The following CNTNAP2 variants were observed in gnomAD, a reference collection of about 807,000 sequenced individuals.
CNTNAP2 encodes the protein contactin-associated protein-like 2.
CNTNAP2 carries 98 observed loss-of-function variants against 155.2 expected under a neutral mutation model. The ratio of observed to expected loss-of-function variants is 0.63; its 90% CI spans 0.54 to 0.75. The LOEUF (loss-of-function observed/expected upper bound fraction) is 0.75, where lower values mean the gene tolerates loss of function less well. Ranked by LOEUF, CNTNAP2 falls within the 30% of genes least tolerant of loss-of-function variation. The pLI is 0.00. For synonymous variants in CNTNAP2, 651 were observed against 631.2 expected (o/e 1.03, Z -0.47); for missense variants, 1,727 against 1,688.1 (o/e 1.02, Z -0.40).
intron 8 of CNTNAP2, among the ~76,000 whole-genome samples, chr7:147,261,639 A>G (rs62484990): frequency 0.17 from 25,257 of 152,096 alleles, 2,698 homozygotes; most frequent in Non-Finnish European, 0.24. Flanking sequence ...CTTTTAACAC[A>G]AATATTATTT....
chr7:146,444,226 C>T (rs1366999298), intron 1 of CNTNAP2, among the ~76,000 whole-genome samples: 2 of 152,058 alleles, frequency 1.3e-5, no homozygotes, highest in East Asian at 1.9e-4. Context: ...GGTTTCACCA[C>T]GTTGGCCAGG....
intron 1 of CNTNAP2, among the ~76,000 whole-genome samples, chr7:146,435,117 G>A (rs1796223607): frequency 6.6e-6 from 1 of 152,166 alleles, no homozygotes; most frequent in Non-Finnish European, 1.5e-5. Flanking sequence ...TTTCAGGATA[G>A]TCTCATGGTC....
intron 1 of CNTNAP2, among the ~76,000 whole-genome samples, chr7:146,719,942 A>G (rs1224076696): frequency 2.6e-5 from 4 of 152,096 alleles, no homozygotes; most frequent in Non-Finnish European, 5.9e-5. Context: ...CAGAGACCCA[A>G]ATGTTGAAGC....
At chr7:146,771,735 TAATA>T (rs749999097) in intron 1 of CNTNAP2, among the ~76,000 whole-genome samples, 27 of 152,322 alleles carry the variant, frequency 1.8e-4, no homozygotes, top group African/African-American at 5.3e-4. Context: ...AGTGGTGAGA[TAATA>T]AATAATAATT....
chr7:146,293,686 A>G (rs898668544), intron 1 of CNTNAP2, among the ~76,000 whole-genome samples: 2 of 151,928 alleles, frequency 1.3e-5, no homozygotes, highest in Non-Finnish European at 2.9e-5. Flanking sequence ...CTCTCCTTTC[A>G]TTTCACGTTG....
At chr7:146,797,965 T>G (rs1802800773) in intron 2 of CNTNAP2, among the ~76,000 whole-genome samples, 1 of 152,154 alleles carries the variant, frequency 6.6e-6, no homozygotes, top group Non-Finnish European at 1.5e-5. Context: ...CAGAAGCTAT[T>G]CATATGACAA....
intron 8 of CNTNAP2, among the ~76,000 whole-genome samples, chr7:147,175,691 T>C (rs992138120): frequency 3.9e-5 from 6 of 152,144 alleles, no homozygotes; most frequent in African/African-American, 1.2e-4. Flanking sequence ...GCAGCCACAA[T>C]ACCTCTTAAC....
At chr7:147,949,458 A>ATATATATATATT (rs1433579404) in intron 14 of CNTNAP2, among the ~76,000 whole-genome samples, 3 of 137,408 alleles carry the variant, frequency 2.2e-5, no homozygotes, top group South Asian at 2.4e-4. Context: ...ATATATATAT[A>ATATATATATATT]TTTTTTTTTT....
chr7:146,921,667 C>T lies in CNTNAP2; in HGVS notation c.402+81763C>T, dbSNP rs546756047. Among the ~76,000 whole-genome samples, 12 of 152,150 alleles carry T rather than the reference C, an allele frequency of 7.9e-5. No homozygotes were observed. The East Asian group carries it at 2.1e-3, about 27-fold the overall frequency. On this transcript the variant is annotated intron_variant, in intron 3 of 23. Transcript: ENST00000361727. ...GAACAGTATTGGGGAAATCACCTCA[C>T]GATTCAATTATCTCCACCTGGCCCC...
chr7:147,232,305 C>T (rs1054386459), intron 8 of CNTNAP2, among the ~76,000 whole-genome samples: 2 of 152,170 alleles, frequency 1.3e-5, no homozygotes, highest in African/African-American at 4.8e-5. Flanking sequence ...GCGTTTTTCA[C>T]GGAAATGCCG....
chr7:146,510,265 G>A (rs192589072), intron 1 of CNTNAP2, among the ~76,000 whole-genome samples: 56 of 152,314 alleles, frequency 3.7e-4, no homozygotes, highest in Middle Eastern at 3.4e-3. Context: ...CTACATAAAT[G>A]TGATTATATA....
At chr7:147,082,493 C>G (rs1346166375) in intron 4 of CNTNAP2, 1 of 152,262 alleles carries the variant, frequency 6.6e-6, no homozygotes, top group African/African-American at 2.4e-5. Flanking sequence ...TCTGTAGCCA[C>G]GTACCCAGCT....
chr7:146,151,162 CA>C (rs753500916), intron 1 of CNTNAP2, among the ~76,000 whole-genome samples: 1 of 152,034 alleles, frequency 6.6e-6, no homozygotes, highest in Non-Finnish European at 1.5e-5. Flanking sequence ...AGTCACTTCC[CA>C]CCAGGTTTCT....
chr7:147,240,622 T>C (rs1339881864), intron 8 of CNTNAP2, among the ~76,000 whole-genome samples: 2 of 151,570 alleles, frequency 1.3e-5, no homozygotes, highest in African/African-American at 2.4e-5. Flanking sequence ...CCTCAGTGTG[T>C]CACCTTTCTC....
At position 147,505,437 on chromosome 7, in the gene CNTNAP2, C is replaced by G. The variant is rs558609687; in HGVS notation, c.1777+19396C>G. Among the ~76,000 whole-genome samples, 6 of 152,190 alleles carry G rather than the reference C, an allele frequency of 3.9e-5. No homozygotes were observed. The South Asian group carries it at 1.2e-3, about 32-fold the overall frequency. ...ATATCCAGCAGCGACATGCAAAAAT[C>G]TCTTTTATTATTTTATAGCCACACT... is the stretch of plus-strand genomic sequence containing the variant. On this transcript the variant is annotated intron_variant, in intron 11 of 23. Transcript: ENST00000361727.
intron 1 of CNTNAP2, among the ~76,000 whole-genome samples, chr7:146,163,360 G>A (rs1318402336): frequency 1.3e-5 from 2 of 150,926 alleles, no homozygotes; most frequent in Admixed American, 6.6e-5. Flanking sequence ...GATCACCTGA[G>A]GTCAGGAGTT....
Position 147,542,677 on chromosome 7 carries a change from C to T in CNTNAP2, c.1778-19461C>T, listed in dbSNP as rs191799732. 5.1e-3 allele frequency among the ~76,000 whole-genome samples: 774 copies of T among 152,270 alleles called. 6 individuals are homozygous for T. The highest frequency in any genetic ancestry group is 9.5e-3 in the Admixed American group (146 of 15,290). On this transcript the variant is annotated intron_variant, in intron 11 of 23. Coordinates refer to ENST00000361727, the MANE Select transcript of CNTNAP2 (RefSeq NM_014141.6). ...CTTTCTTCCATCACATGGTGAAGATCTTTGGAGAAACCTTGAACAGGTTTG... is the reference window on the plus strand; with the variant it reads ...CTTTCTTCCATCACATGGTGAAGATTTTTGGAGAAACCTTGAACAGGTTTG...
chr7:146,939,460 T>A (rs914735947), intron 3 of CNTNAP2, among the ~76,000 whole-genome samples: 1 of 152,226 alleles, frequency 6.6e-6, no homozygotes, highest in African/African-American at 2.4e-5. Flanking sequence ...GTTTTTTTAT[T>A]TTTACTTCTT....
chr7:146,889,884 T>G (rs1795742097), intron 3 of CNTNAP2, among the ~76,000 whole-genome samples: 1 of 152,174 alleles, frequency 6.6e-6, no homozygotes, highest in Admixed American at 6.5e-5. Context: ...CTCACTCCGA[T>G]TCTAATTTAG....
Sources: allele counts gnomAD v4.1 joint callset (sites outside exome capture counted in the v4.1 genomes callset), GRCh38; gene constraint gnomAD v4.1.1; transcripts MANE v1.5; gene names NCBI Gene and HGNC (gene_info 2026-07-23, HGNC 2026-07-21).